TMX4: variants seen among roughly 807,000 people sequenced by gnomAD.
TMX4 encodes thioredoxin-related transmembrane protein 4.
A neutral mutation model predicts 33.3 loss-of-function variants in TMX4; 23 were observed. The ratio of observed to expected loss-of-function variants is 0.69; its 90% confidence interval spans 0.50 to 0.98. TMX4 has a LOEUF of 0.98. TMX4 is among the 50% of genes least tolerant of loss of function. The pLI, the probability that TMX4 is intolerant of heterozygous loss-of-function variation, is 0.00. For synonymous variants in TMX4, 164 were observed against 161.5 expected (o/e 1.02, Z -0.12); for missense variants, 399 against 448.9 (o/e 0.89, Z 1.01).
intron 2 of TMX4, 80 bp from the exon 3 acceptor site, chr20:8,001,621 A>G (rs968576092): frequency 1.5e-6 from 2 of 1,321,038 alleles, no homozygotes; most frequent in African/African-American, 3.0e-5. Context: ...TCATAATCAC[A>G]TTATTAAAAT....
At chr20:7,992,200 T>A (rs6133521) in intron 5 of TMX4, among the ~76,000 whole-genome samples, 10,802 of 152,240 alleles carry the variant, frequency 0.071, 1,010 homozygotes, top group East Asian at 0.53. Flanking sequence ...CAAAATCAAT[T>A]TTGTCCTTTG....
chr20:8,014,938 A>C (rs1212283609), intron 1 of TMX4, among the ~76,000 whole-genome samples: 8 of 151,980 alleles, frequency 5.3e-5, no homozygotes, highest in Non-Finnish European at 7.4e-5. Flanking sequence ...TGCAAAGCTC[A>C]GGCCTGCATT....
At chr20:8,018,620 T>C (rs149648625) in intron 1 of TMX4, among the ~76,000 whole-genome samples, 1,523 of 151,902 alleles carry the variant, frequency 0.01, 30 homozygotes, top group African/African-American at 0.035. Context: ...CTTCCTATTA[T>C]AAGGTTAAAC....
At chr20:7,993,022 T>A (rs924666378) in intron 5 of TMX4, among the ~76,000 whole-genome samples, 6 of 152,232 alleles carry the variant, frequency 3.9e-5, no homozygotes, top group Admixed American at 1.3e-4. Flanking sequence ...TCCATTATAC[T>A]GTTTTGTCAT....
chr20:7,982,375 C>T lies in TMX4; in HGVS notation c.926G>A (p.Arg309Gln), dbSNP rs534982642. 25 of 1,614,074 alleles carry T rather than the reference C, an allele frequency of 1.5e-5. No homozygotes were observed. The South Asian group carries it at 1.9e-4, about 12-fold the overall frequency. Residue 309 changes from arginine (R) to glutamine (Q), a missense_variant, in exon 8 of 8, where the codon CGG becomes CAG. By Grantham distance (43) the Arg-to-Gln change is conservative (BLOSUM62 1). Transcript: ENST00000246024. ...QGPPGEDGVT[R>Q]EEVEPEEAEE... is the part of the protein sequence containing the mutation. ...AGCCTCCTCAGGCTCTACTTCCTCC[C>T]GGGTCACACCGTCCTCTCCTGGGGG...
At chr20:7,987,085 G>A (rs1308004224) in intron 6 of TMX4, among the ~76,000 whole-genome samples, 1 of 151,310 alleles carries the variant, frequency 6.6e-6, no homozygotes. Context: ...TAAGGGATAG[G>A]ATTAGGGGAT....
At position 7,977,796 on chromosome 20, in the gene TMX4, C is replaced by T. The variant is rs2050586622; in HGVS notation, c.*4455G>A. ...AAGCTAATAACAAATACGATTAAAC[C>T]ACTTCAGAAACACGTCAAAGTTGTA... On this transcript the variant is annotated 3_prime_UTR_variant, in exon 8 of 8. Coordinates refer to ENST00000246024, the MANE Select transcript of TMX4 (RefSeq NM_021156.4). 1 of 152,052 alleles carries T rather than the reference C, an allele frequency of 6.6e-6. No individual in the cohort carries two copies. Among genetic ancestry groups the T allele is most frequent in the Non-Finnish European group, 1.5e-5 (1 of 68,004 alleles). The allele number at this position is 152,052 out of a possible 1,614,324, so 9.4% of individuals were successfully genotyped here.
intron 5 of TMX4, among the ~76,000 whole-genome samples, chr20:7,989,930 T>C (rs1243582995): frequency 6.6e-6 from 1 of 152,182 alleles, no homozygotes; most frequent in Non-Finnish European, 1.5e-5. Flanking sequence ...TCCCATGCTG[T>C]TCGCTGAAAA....
At chr20:7,998,971 C>CT (rs2050689852) in intron 4 of TMX4, among the ~76,000 whole-genome samples, 1 of 152,148 alleles carries the variant, frequency 6.6e-6, no homozygotes, top group African/African-American at 2.4e-5. Flanking sequence ...TACCTAGCAC[C>CT]TAGGAAAGTA....
chr20:8,006,127 TGGGATC>T (rs1302245963), intron 2 of TMX4, among the ~76,000 whole-genome samples: 6 of 151,216 alleles, frequency 4.0e-5, no homozygotes, highest in Non-Finnish European at 7.4e-5. Context: ...TATGCTGCCG[TGGGATC>T]GGAGCCCCAC....
chr20:8,001,298 C>T (rs78264319), intron 3 of TMX4, among the ~76,000 whole-genome samples, 198 bp downstream of exon 3: 1,952 of 152,304 alleles, frequency 0.013, 49 homozygotes, highest in African/African-American at 0.045. Flanking sequence ...TGCCCACCTA[C>T]GCCTGACATT....
At chr20:7,990,329 A>G (rs1215523084) in intron 5 of TMX4, among the ~76,000 whole-genome samples, 7 of 152,156 alleles carry the variant, frequency 4.6e-5, no homozygotes, top group African/African-American at 1.4e-4. Context: ...TTCACTGAAA[A>G]TGCACTAAAA....
Position 8,019,455 on chromosome 20 carries a change from G to A in TMX4, c.159C>T (p.Gly53=). 1 of 1,518,396 alleles carries A rather than the reference G, an allele frequency of 6.6e-7. No homozygotes were observed. The highest frequency in any genetic ancestry group is 8.8e-7 in the Non-Finnish European group (1 of 1,132,334). 94.1% of individuals were successfully genotyped at this position (1,518,396 alleles called of 1,614,324 possible). A position where few individuals can be genotyped will look rare whatever the true frequency, so the allele number is the denominator to read the frequency against. Residue 53 remains glycine, a synonymous_variant, in exon 1 of 8, where the codon GGC becomes GGT. Coordinates refer to ENST00000246024, the MANE Select transcript of TMX4 (RefSeq NM_021156.4). ...ACACTCACAATTTCAGCATCCACTC[G>A]CCCTCCATCACCAGCGTCCAGTTGG... ...TASNWTLVME[G]EWMLKFYAPW... is the part of the protein sequence containing the mutation.
rs1453327810 is a variant in TMX4 at position 7,977,845 on chromosome 20, C to T, written c.*4406G>A. On this transcript the variant is annotated 3_prime_UTR_variant, in exon 8 of 8. Coordinates refer to ENST00000246024, the MANE Select transcript of TMX4 (RefSeq NM_021156.4). ...TACGAGTCACACATATACAGTGTCA[C>T]AGTCTACATAAAGCTTTACTGAGAA... 4 of 152,224 alleles carry T rather than the reference C, an allele frequency of 2.6e-5. No homozygotes were observed. Among genetic ancestry groups the T allele is most frequent in the Non-Finnish European group, 5.9e-5 (4 of 68,046 alleles). The allele number at this position is 152,224 out of a possible 1,614,324, so 9.4% of individuals were successfully genotyped here. A position where few individuals can be genotyped will look rare whatever the true frequency, so the allele number is the denominator to read the frequency against.
intron 4 of TMX4, among the ~76,000 whole-genome samples, chr20:7,999,198 C>A (rs1272106182): frequency 6.6e-6 from 1 of 152,116 alleles, no homozygotes; most frequent in Non-Finnish European, 1.5e-5. Flanking sequence ...AAAACTAAAA[C>A]CAACTGTGGA....
intron 5 of TMX4, among the ~76,000 whole-genome samples, chr20:7,995,604 T>C (rs2050672847): frequency 6.6e-6 from 1 of 152,158 alleles, no homozygotes; most frequent in Non-Finnish European, 1.5e-5. Context: ...AATGTAGCTG[T>C]CTTCCAGTAA....
intron 5 of TMX4, among the ~76,000 whole-genome samples, chr20:7,989,263 T>C (rs112029969): frequency 3.3e-5 from 5 of 152,154 alleles, no homozygotes; most frequent in African/African-American, 1.2e-4. Context: ...TCAATCTGCC[T>C]CTGTGTCAAC....
chr20:8,018,491 A>G (rs865967448), intron 1 of TMX4, among the ~76,000 whole-genome samples: 2 of 44,112 alleles, frequency 4.5e-5, no homozygotes, highest in African/African-American at 2.5e-4. Flanking sequence ...GGAGAGAGAG[A>G]GAGAGAGAGA....
In TMX4 at chr20:7,981,665, G is replaced by A. The variant is rs892636890; in HGVS notation, c.*586C>T. 6.6e-6 allele frequency: 1 copy of A among 152,326 alleles called. No homozygotes were observed. The highest frequency in any genetic ancestry group is 2.4e-5 in the African/African-American group (1 of 41,366). 9.4% of individuals were successfully genotyped at this position (152,326 alleles called of 1,614,324 possible). A position where few individuals can be genotyped will look rare whatever the true frequency, so the allele number is the denominator to read the frequency against. ...CCTGAATGCCCATGGTGGAAATGCTGGAAAAATTAAAGGTAAGAAATAAAA... is the reference window on the plus strand; with the variant it reads ...CCTGAATGCCCATGGTGGAAATGCTAGAAAAATTAAAGGTAAGAAATAAAA... On this transcript the variant is annotated 3_prime_UTR_variant, in exon 8 of 8. Transcript: ENST00000246024.
Sources: gnomAD v4.1 joint callset for allele counts (sites outside exome capture counted in the v4.1 genomes callset) on GRCh38, gnomAD v4.1.1 for gene constraint, MANE v1.5 for transcripts, NCBI Gene and HGNC (gene_info 2026-07-23, HGNC 2026-07-21) for gene names.